Variants in MGAT4C observed in about 807,000 individuals in gnomAD.
MGAT4C encodes MGAT4 family member C, also known as alpha-1,3-mannosyl-glycoprotein 4-beta-N-acetylglucosaminyltransferase C.
In MGAT4C, 19 loss-of-function variants were observed where a neutral mutation model predicts 40.1. The ratio of observed to expected loss-of-function variants is 0.47; its 90% CI spans 0.33 to 0.70. The LOEUF (loss-of-function observed/expected upper bound fraction) is 0.70. Among genes scored for constraint, MGAT4C ranks in the 30% least tolerant of loss-of-function variants. The pLI, the probability that MGAT4C is intolerant of heterozygous loss-of-function variation, is 0.02. For missense variants in MGAT4C, 491 were observed against 563.2 expected (o/e 0.87, Z 1.30); for synonymous variants, 181 against 187.1 (o/e 0.97, Z 0.27).
intron 3 of MGAT4C, among the ~76,000 whole-genome samples, chr12:86,419,378 A>ACATACATATATATGTACATATATC: frequency 6.6e-6 from 1 of 151,626 alleles, no homozygotes; most frequent in East Asian, 1.9e-4. Flanking sequence ...TTTGAGATAT[A>ACATACATATATATGTACATATATC]CATACATATA....
chr12:86,785,218 A>C (rs1951912004), intron 1 of MGAT4C, among the ~76,000 whole-genome samples: 1 of 152,042 alleles, frequency 6.6e-6, no homozygotes, highest in Admixed American at 6.6e-5. Flanking sequence ...ATTTGCTGGA[A>C]AACTGAGTTC....
rs564570984 is a variant in MGAT4C at position 85,977,567 on chromosome 12, A to C, written c.*1722T>G. On this transcript the variant is annotated 3_prime_UTR_variant, in exon 5 of 5. Transcript: ENST00000611864. ...TTCTAACACTTTAGTAGCTGAATACAAAGAAAATACACAACAGCTGTTTAT... is the reference window on the plus strand; with the variant it reads ...TTCTAACACTTTAGTAGCTGAATACCAAGAAAATACACAACAGCTGTTTAT... The C allele has an allele frequency of 1.3e-5, 2 of 151,552 alleles. No individual in the cohort carries two copies. Among genetic ancestry groups the C allele is most frequent in the Admixed American group, 1.3e-4 (2 of 15,180 alleles). 9.4% of individuals were successfully genotyped at this position (151,552 alleles called of 1,614,324 possible).
intron 3 of MGAT4C, among the ~76,000 whole-genome samples, chr12:86,352,643 C>G (rs977067206): frequency 6.6e-6 from 1 of 152,120 alleles, no homozygotes; most frequent in Non-Finnish European, 1.5e-5. Flanking sequence ...TTCAAAAACA[C>G]CTTTCAGTTG....
chr12:86,612,567 T>C (rs1440114840), intron 2 of MGAT4C, among the ~76,000 whole-genome samples: 1 of 151,912 alleles, frequency 6.6e-6, no homozygotes, highest in Non-Finnish European at 1.5e-5. Context: ...CTGGCCAACA[T>C]GGTGAAACCC....
intron 4 of MGAT4C, among the ~76,000 whole-genome samples, chr12:86,283,591 A>T (rs1782850451): frequency 6.6e-6 from 1 of 152,120 alleles, no homozygotes; most frequent in Non-Finnish European, 1.5e-5. Context: ...TGAAATCAAA[A>T]TATAATAACT....
At chr12:86,210,312 T>G (rs550629846) in intron 1 of MGAT4C, among the ~76,000 whole-genome samples, 2 of 152,346 alleles carry the variant, frequency 1.3e-5, no homozygotes, top group East Asian at 3.9e-4. Flanking sequence ...GGTGCAATGT[T>G]CAGCAAATTT....
intron 2 of MGAT4C, among the ~76,000 whole-genome samples, chr12:86,519,855 ATTACT>A (rs920060380): frequency 6.6e-6 from 1 of 151,984 alleles, no homozygotes; most frequent in Admixed American, 6.6e-5. Context: ...TCTGTGGGTT[ATTACT>A]TTACTTCTTT....
At chr12:86,027,613 T>C (rs1890355487) in intron 2 of MGAT4C, among the ~76,000 whole-genome samples, 1 of 151,982 alleles carries the variant, frequency 6.6e-6, no homozygotes, top group South Asian at 2.1e-4. Context: ...TGATTAAGAA[T>C]TGTGGTCCAG....
At chr12:86,605,761 A>G (rs1366136850) in intron 2 of MGAT4C, among the ~76,000 whole-genome samples, 1 of 152,120 alleles carries the variant, frequency 6.6e-6, no homozygotes, top group Admixed American at 6.6e-5. Context: ...ATTAACATAG[A>G]GAATCAATGT....
At chr12:86,583,594 C>G (rs371226369) in intron 2 of MGAT4C, among the ~76,000 whole-genome samples, 27 of 151,074 alleles carry the variant, frequency 1.8e-4, no homozygotes, top group South Asian at 1.2e-3. Context: ...TTAAATGGTA[C>G]CACAAAGTTT....
chr12:86,594,447 C>A (rs1355028705), intron 2 of MGAT4C, among the ~76,000 whole-genome samples: 1 of 152,086 alleles, frequency 6.6e-6, no homozygotes, highest in African/African-American at 2.4e-5. Context: ...GGGAGTGAAT[C>A]CCTAGAGCTC....
intron 1 of MGAT4C, among the ~76,000 whole-genome samples, chr12:86,056,788 A>G (rs1893445584): frequency 6.6e-6 from 1 of 152,126 alleles, no homozygotes; most frequent in Non-Finnish European, 1.5e-5. Flanking sequence ...TTCTAGTTCT[A>G]GATCCTTGAG....
chr12:86,740,914 T>G (rs757577057), intron 1 of MGAT4C, among the ~76,000 whole-genome samples: 2 of 151,126 alleles, frequency 1.3e-5, no homozygotes, highest in African/African-American at 4.8e-5. Flanking sequence ...GTATATGATG[T>G]GATATTGAGG....
Position 85,964,554 on chromosome 12 carries a change from G to C in MGAT4C, c.*14735C>G, listed in dbSNP as rs1238198879. 2 of 152,052 alleles carry C rather than the reference G, an allele frequency of 1.3e-5. No homozygotes were observed. Among genetic ancestry groups the C allele is most frequent in the African/African-American group, 2.4e-5 (1 of 41,386 alleles). The allele number at this position is 152,052 out of a possible 1,614,324, so 9.4% of individuals were successfully genotyped here. A position where few individuals can be genotyped will look rare whatever the true frequency, so the allele number is the denominator to read the frequency against. ...AGGTAAAGGAAATTGACTAGGTTAA[G>C]GCAAATACATCATGTTTACTGGTAA... On this transcript the variant is annotated 3_prime_UTR_variant, in exon 5 of 5. Coordinates refer to ENST00000611864, the MANE Select transcript of MGAT4C (RefSeq NM_001351288.2).
intron 3 of MGAT4C, among the ~76,000 whole-genome samples, chr12:86,385,149 A>AT (rs1956026935): frequency 6.6e-6 from 1 of 152,212 alleles, no homozygotes; most frequent in African/African-American, 2.4e-5. Context: ...GGTGCTCAAT[A>AT]AACACTTGCT....
intron 1 of MGAT4C, among the ~76,000 whole-genome samples, chr12:86,154,620 A>G (rs1402252704): frequency 1.3e-5 from 2 of 152,186 alleles, no homozygotes; most frequent in African/African-American, 2.4e-5. Context: ...AATCTGCCCA[A>G]CGGAAATGGA....
intron 1 of MGAT4C, among the ~76,000 whole-genome samples, chr12:86,835,239 C>A (rs1953013633): frequency 6.6e-6 from 1 of 151,846 alleles, no homozygotes; most frequent in African/African-American, 2.4e-5. Flanking sequence ...AGTCTTGAGA[C>A]CCAATAAAAA....
rs1950800880 is a variant in MGAT4C at position 86,219,487 on chromosome 12, A to T, written c.-57+36752T>A. Among the ~76,000 whole-genome samples, 3 of 152,228 alleles carry T rather than the reference A, an allele frequency of 2.0e-5. No individual in the cohort carries two copies. The South Asian group carries it at 6.2e-4, about 32-fold the overall frequency. On this transcript the variant is annotated intron_variant, in intron 1 of 4. Coordinates refer to ENST00000611864, the MANE Select transcript of MGAT4C (RefSeq NM_001351288.2). ...TGTTGGATCATTTGAACACTTACAG[A>T]AACATTTCATTCAGTTGCCACCTTC...
rs1883124369 is a variant in MGAT4C, at chr12:85,961,743, A to AT, written c.*17545dup. ...GGCATGAGAGTTCCCACTTTGTATT[A>AT]TAATAGGCAAATTGATACACACTTT... On this transcript the variant is annotated 3_prime_UTR_variant, in exon 5 of 5. Transcript: ENST00000611864. 1 of 151,914 alleles carries AT rather than the reference A, an allele frequency of 6.6e-6. No individual in the cohort carries two copies. The highest frequency in any genetic ancestry group is 6.6e-5 in the Admixed American group (1 of 15,230). 9.4% of individuals were successfully genotyped at this position (151,914 alleles called of 1,614,324 possible).
Sources: gnomAD v4.1 joint callset for allele counts (sites outside exome capture counted in the v4.1 genomes callset) on GRCh38, gnomAD v4.1.1 for gene constraint, MANE v1.5 for transcripts, NCBI Gene and HGNC (gene_info 2026-07-23, HGNC 2026-07-21) for gene names.